The following CMSS1 variants were observed in gnomAD, a reference collection of about 807,000 sequenced individuals.
CMSS1 encodes the protein cms1 ribosomal small subunit homolog.
CMSS1 carries 33 observed loss-of-function variants against 43.5 expected under a neutral mutation model. That is an observed-to-expected ratio of 0.76 (90% confidence interval 0.57 to 1.01). The LOEUF is 1.01. Ranked by LOEUF, CMSS1 falls within the 50% of genes least tolerant of loss-of-function variation. CMSS1 has a pLI of 0.00. For missense variants in CMSS1, 313 were observed against 326.4 expected (o/e 0.96, Z 0.32); for synonymous variants, 115 against 117.2 (o/e 0.98, Z 0.12).
chr3:99,837,122 C>T (rs1030330678), intron 1 of CMSS1, among the ~76,000 whole-genome samples: 2 of 152,186 alleles, frequency 1.3e-5, no homozygotes, highest in Non-Finnish European at 2.9e-5. Flanking sequence ...GTAATTAATA[C>T]ATACTCTTAT....
At position 100,167,811 on chromosome 3, in the gene CMSS1, C is replaced by G; in HGVS notation, c.489C>G (p.Ser163Arg). 6.2e-7 allele frequency: 1 copy of G among 1,613,126 alleles called. No homozygotes were observed. The highest frequency in any genetic ancestry group is 8.5e-7 in the Non-Finnish European group (1 of 1,179,628). Residue 163 changes from serine to arginine, a missense_variant, in exon 6 of 10, where the codon AGC (serine) becomes AGG (arginine). Transcript: ENST00000421999. Reference protein sequence around the residue: ...KKSVLMLIICSSAVRALELIR... With the variant: ...KKSVLMLIICRSAVRALELIR... The stretch of plus-strand genomic sequence containing the variant: ...CGGTCCTGATGCTGATCATCTGCAG[C>G]TCGGCCGTCCGAGCCCTGGAGCTCA...
chr3:100,018,308 A>G (rs974671262), intron 1 of CMSS1, among the ~76,000 whole-genome samples: 1 of 152,200 alleles, frequency 6.6e-6, no homozygotes, highest in East Asian at 1.9e-4. Flanking sequence ...CCTAGGCGAC[A>G]AGAGCAAAAC....
intron 1 of CMSS1, among the ~76,000 whole-genome samples, chr3:99,837,011 TA>T (rs1306454288): frequency 1.3e-5 from 2 of 152,176 alleles, no homozygotes; most frequent in Non-Finnish European, 2.9e-5. Context: ...AGGTTTGGCC[TA>T]AAAAAATAGT....
At chr3:100,043,059 T>G (rs1434540380) in intron 1 of CMSS1, among the ~76,000 whole-genome samples, 4 of 152,240 alleles carry the variant, frequency 2.6e-5, no homozygotes, top group African/African-American at 9.6e-5. Context: ...TACCTCAATG[T>G]GAAGATCAGT....
At chr3:100,019,029 A>G (rs913058651) in intron 1 of CMSS1, among the ~76,000 whole-genome samples, 8 of 152,228 alleles carry the variant, frequency 5.3e-5, no homozygotes, top group Admixed American at 5.2e-4. Flanking sequence ...ACTGTTATCA[A>G]AAAGATCAAA....
At chr3:99,919,591 C>G (rs980581651) in intron 1 of CMSS1, among the ~76,000 whole-genome samples, 4 of 151,636 alleles carry the variant, frequency 2.6e-5, no homozygotes, top group Admixed American at 2.0e-4. Flanking sequence ...GTTTCCAAAT[C>G]CTCTAGAAAG....
At chr3:100,117,878 T>TACATATATATATATAC (rs2066589358) in intron 1 of CMSS1, among the ~76,000 whole-genome samples, 1 of 129,084 alleles carries the variant, frequency 7.7e-6, no homozygotes, top group African/African-American at 3.2e-5. Flanking sequence ...TATATATATA[T>TACATATATATATATAC]ACACATACAA....
chr3:99,928,272 C>T (rs1310941104), intron 1 of CMSS1, among the ~76,000 whole-genome samples: 1 of 152,072 alleles, frequency 6.6e-6, no homozygotes, highest in Non-Finnish European at 1.5e-5. Context: ...ACTTCCTAGA[C>T]CGAGGAAAAG....
rs183302157 is a variant in CMSS1, at chr3:99,976,128, G to T, written c.64+158085G>T. Among the ~76,000 whole-genome samples, 12 of 151,900 alleles carry T rather than the reference G, an allele frequency of 7.9e-5. No individual in the cohort carries two copies. The East Asian group carries it at 2.3e-3, about 29-fold the overall frequency. On this transcript the variant is annotated intron_variant, in intron 1 of 9. Transcript: ENST00000421999. ...TCGAACTTTTGACCTCAGGTGGTTC[G>T]CCCGCCTCAGCCTCCCAAAGTACTC...
At chr3:99,866,172 T>G (rs904456023) in intron 1 of CMSS1, among the ~76,000 whole-genome samples, 2 of 146,200 alleles carry the variant, frequency 1.4e-5, no homozygotes, top group East Asian at 2.0e-4. Flanking sequence ...TAAGCCTGTG[T>G]TTTTTTTTTT....
At chr3:99,911,733 G>A (rs1706795586) in intron 1 of CMSS1, among the ~76,000 whole-genome samples, 3 of 152,096 alleles carry the variant, frequency 2.0e-5, no homozygotes, top group Non-Finnish European at 4.4e-5. Context: ...GAGCACTCTT[G>A]TACATGCCTC....
intron 1 of CMSS1, among the ~76,000 whole-genome samples, chr3:100,033,090 A>G (rs201542336): frequency 6.6e-6 from 1 of 152,116 alleles, no homozygotes; most frequent in Non-Finnish European, 1.5e-5. Flanking sequence ...CAGGAAAACT[A>G]TCTTCAACTA....
At chr3:99,993,975 T>C (rs539006125) in intron 1 of CMSS1, among the ~76,000 whole-genome samples, 10 of 152,336 alleles carry the variant, frequency 6.6e-5, no homozygotes, top group Non-Finnish European at 1.3e-4. Context: ...AGGGTGATAC[T>C]GGCCTCATAG....
chr3:100,128,859 C>T (rs112491191), intron 1 of CMSS1, among the ~76,000 whole-genome samples: 86 of 152,318 alleles, frequency 5.6e-4, no homozygotes, highest in African/African-American at 1.9e-3. Context: ...TACTCAGTAG[C>T]GTCTACTGTA....
chr3:100,090,121 A>T (rs756943450), intron 1 of CMSS1, among the ~76,000 whole-genome samples: 1 of 152,218 alleles, frequency 6.6e-6, no homozygotes. Flanking sequence ...AGCTCCTTCC[A>T]TGGAGGGCTT....
intron 1 of CMSS1, chr3:100,109,903 A>ACCGCCC (rs1491348077): frequency 1.4e-5 from 1 of 72,322 alleles, no homozygotes; most frequent in African/African-American, 5.7e-5. Context: ...TTCTTTTATG[A>ACCGCCC]CCCCCCCCCC....
At chr3:100,113,866 A>G (rs1447106729) in intron 1 of CMSS1, among the ~76,000 whole-genome samples, 1 of 152,154 alleles carries the variant, frequency 6.6e-6, no homozygotes, top group Non-Finnish European at 1.5e-5. Flanking sequence ...TCTATTTTGC[A>G]AGCAACTCTT....
chr3:99,957,427 A>C lies in CMSS1; in HGVS notation c.64+139384A>C, dbSNP rs147782676. On this transcript the variant is annotated intron_variant, in intron 1 of 9. Coordinates refer to ENST00000421999, the MANE Select transcript of CMSS1 (RefSeq NM_032359.4). The stretch of plus-strand genomic sequence containing the variant: ...GTGATATTTTTGAAATGCTAACACA[A>C]AATTATGTATCTACACATATGTGTG... 4.6e-3 allele frequency among the ~76,000 whole-genome samples: 693 copies of C among 152,304 alleles called. 2 individuals carry two copies. Among genetic ancestry groups the C allele is most frequent in the South Asian group, 7.0e-3 (34 of 4,824 alleles).
chr3:99,850,495 T>C, intron 1 of CMSS1: 1 of 1,613,208 alleles, frequency 6.2e-7, no homozygotes. Context: ...TCTGCACTGC[T>C]CCTCCATTTT....
Sources: gnomAD v4.1 joint callset for allele counts (sites outside exome capture counted in the v4.1 genomes callset) on GRCh38, gnomAD v4.1.1 for gene constraint, MANE v1.5 for transcripts, NCBI Gene and HGNC (gene_info 2026-07-23, HGNC 2026-07-21) for gene names.